The following MAPK9 variants were observed in gnomAD, a reference collection of about 807,000 sequenced individuals.
MAPK9 encodes mitogen-activated protein kinase 9.
MAPK9 carries 30 observed loss-of-function variants against 57.1 expected under a neutral mutation model. The ratio of observed to expected loss-of-function variants is 0.53; its 90% confidence interval spans 0.39 to 0.71. The LOEUF (loss-of-function observed/expected upper bound fraction) is 0.71, where lower values mean the gene tolerates loss of function less well. Among genes scored for constraint, MAPK9 ranks in the 30% least tolerant of loss-of-function variants. MAPK9 has a pLI of 0.00. For synonymous variants in MAPK9, 155 were observed against 177.0 expected (o/e 0.88, Z 0.99); for missense variants, 362 against 521.0 (o/e 0.69, Z 2.97).
chr5:180,277,415 C>A (rs1761922949), intron 2 of MAPK9, among the ~76,000 whole-genome samples: 1 of 152,228 alleles, frequency 6.6e-6, no homozygotes, highest in Admixed American at 6.5e-5. Flanking sequence ...CTTCGCTCTG[C>A]CATCACATCT....
chr5:180,285,657 T>G (rs1657779364), intron 1 of MAPK9, among the ~76,000 whole-genome samples: 1 of 152,172 alleles, frequency 6.6e-6, no homozygotes. Flanking sequence ...GCAAGATGGC[T>G]CACACTTGTA....
In MAPK9 at chr5:180,247,839, C is replaced by T. The variant is rs754232534; in HGVS notation, c.617-329G>A. The stretch of plus-strand genomic sequence containing the variant: ...CAGCCTCCATGGCCAAGTACCGGGT[C>T]CCCTGTGAAGGATACAGTCTCTTCC... On this transcript the variant is annotated intron_variant, in intron 6 of 11. Transcript: ENST00000452135. The surrounding 1 kb of genome is among the most constrained non-coding windows in gnomAD (Gnocchi z 4.5). The T allele has an allele frequency of 9.3e-6, 15 of 1,613,630 alleles. No homozygotes were observed. The highest frequency in any genetic ancestry group is 1.3e-5 in the African/African-American group (1 of 74,906).
At chr5:180,267,446 C>T (rs1021530075) in intron 3 of MAPK9, among the ~76,000 whole-genome samples, 23 of 151,356 alleles carry the variant, frequency 1.5e-4, no homozygotes, top group East Asian at 3.9e-4. Context: ...CCTGTAGTCC[C>T]GGCTACTCGG....
Position 180,247,470 on chromosome 5 carries a change from C to T in MAPK9, c.657G>A (p.Val219=). 6.2e-7 allele frequency: 1 copy of T among 1,614,192 alleles called. No individual in the cohort carries two copies. Among genetic ancestry groups the T allele is most frequent in the Non-Finnish European group, 8.5e-7 (1 of 1,180,032 alleles). ...WSVGCIMGEL[V]KGCVIFQGTD... is the part of the protein sequence containing the mutation. ...TGCCTTGGAATATCACACAACCTTT[C>T]ACCAGCTCTCCCATGATGCAACCCA... The change falls in exon 7 of 12, where the codon GTG becomes GTA. Residue 219 remains valine (V), a synonymous_variant. Transcript: ENST00000452135. This position sits in a 1 kb window ranked among gnomAD's most constrained non-coding sequence, Gnocchi z 4.5.
chr5:180,279,804 G>T (rs1294950960), intron 2 of MAPK9: 5 of 456,262 alleles, frequency 1.1e-5, no homozygotes, highest in African/African-American at 2.0e-5. Flanking sequence ...ACCTTGAGCT[G>T]GCCCGTGATG....
At chr5:180,273,158 T>C (rs1245141605) in intron 2 of MAPK9, among the ~76,000 whole-genome samples, 3 of 152,256 alleles carry the variant, frequency 2.0e-5, no homozygotes. Context: ...GCACTTTTCC[T>C]GTTTATAGGT....
In MAPK9 at chr5:180,261,970, C is replaced by A. The variant is rs539023334; in HGVS notation, c.312-148G>T. 3.9e-5 allele frequency: 22 copies of A among 559,504 alleles called. 1 individual carries two copies. In the South Asian group the frequency reaches 8.2e-4, roughly 21 times the overall value. 34.7% of individuals were successfully genotyped at this position (559,504 alleles called of 1,614,324 possible). A position where few individuals can be genotyped will look rare whatever the true frequency, so the allele number is the denominator to read the frequency against. ...ATAATGGAACTTTCTAAAAATTTTC[C>A]AAAGAATATATAAATAACAAACTTA... On this transcript the variant is annotated intron_variant, in intron 4 of 11. Transcript: ENST00000452135.
intron 5 of MAPK9, among the ~76,000 whole-genome samples, chr5:180,255,795 T>C (rs1759217927): frequency 6.6e-6 from 1 of 151,816 alleles, no homozygotes; most frequent in Non-Finnish European, 1.5e-5. Flanking sequence ...AAAGGATCAA[T>C]GAAGAAAGAG....
intron 2 of MAPK9, among the ~76,000 whole-genome samples, chr5:180,270,868 A>G (rs112421734): frequency 1.5e-5 from 2 of 137,580 alleles, no homozygotes; most frequent in South Asian, 4.4e-4. Context: ...CAAAAAAAAA[A>G]AAAAAGAAAA....
At chr5:180,270,858 C>CAAAAAAAAAAAAAAA (rs761904802) in intron 2 of MAPK9, among the ~76,000 whole-genome samples, 2 of 82,952 alleles carry the variant, frequency 2.4e-5, no homozygotes, top group Non-Finnish European at 2.4e-5. Flanking sequence ...CCCAGGGTCT[C>CAAAAAAAAAAAAAAA]AAAAAAAAAA....
chr5:180,284,395 G>A (rs1762566683), intron 1 of MAPK9, among the ~76,000 whole-genome samples: 1 of 152,164 alleles, frequency 6.6e-6, no homozygotes, highest in African/African-American at 2.4e-5. Flanking sequence ...AGCCTTTGTA[G>A]GGTCTGCCTC....
At position 180,282,087 on chromosome 5, in the gene MAPK9, G is replaced by A. The variant is rs192392710; in HGVS notation, c.-47-1479C>T. Among the ~76,000 whole-genome samples the A allele has an allele frequency of 1.4e-3, 211 of 152,324 alleles. 3 individuals are homozygous for A. The highest frequency in any genetic ancestry group is 2.6e-3 in the Non-Finnish European group (175 of 68,036). ...TCTAAGCTATAGGAGGTGCGAGGCAGGTCTGTCTTGCTCATGGCATCTCAT... is the reference window on the plus strand; with the variant it reads ...TCTAAGCTATAGGAGGTGCGAGGCAAGTCTGTCTTGCTCATGGCATCTCAT... On this transcript the variant is annotated intron_variant, in intron 1 of 11. Coordinates refer to ENST00000452135, the MANE Select transcript of MAPK9 (RefSeq NM_002752.5).
chr5:180,267,936 C>A (rs886821308), intron 3 of MAPK9, among the ~76,000 whole-genome samples: 3 of 152,128 alleles, frequency 2.0e-5, no homozygotes, highest in Non-Finnish European at 4.4e-5. Context: ...TATCTCAGCT[C>A]ACTGCAAGCT....
intron 1 of MAPK9, among the ~76,000 whole-genome samples, chr5:180,288,585 G>A (rs1012476843): frequency 2.0e-5 from 3 of 152,188 alleles, no homozygotes; most frequent in African/African-American, 7.2e-5. Flanking sequence ...ATGTTTTACA[G>A]ATGAGTGCAA....
intron 3 of MAPK9, among the ~76,000 whole-genome samples, chr5:180,268,060 A>G (rs1053282910): frequency 1.6e-4 from 24 of 151,954 alleles, no homozygotes; most frequent in Admixed American, 5.2e-4. Context: ...TCCTGACGTC[A>G]TGATCCACCC....
rs563889781 is a variant in MAPK9, at chr5:180,291,332, G to A, written c.-48+516C>T. On this transcript the variant is annotated intron_variant, in intron 1 of 11. Coordinates refer to ENST00000452135, the MANE Select transcript of MAPK9 (RefSeq NM_002752.5). ...GGGAGGCTGGGCGGGTGGGGAGGGG[G>A]TTCCTACACCACTCACACCAGCACG... 4.8e-3 allele frequency among the ~76,000 whole-genome samples: 733 copies of A among 151,772 alleles called. 3 individuals carry two copies. Among genetic ancestry groups the A allele is most frequent in the Middle Eastern group, 0.021 (6 of 292 alleles).
intron 1 of MAPK9, among the ~76,000 whole-genome samples, chr5:180,281,430 C>G (rs977669494): frequency 3.9e-5 from 6 of 152,242 alleles, no homozygotes; most frequent in African/African-American, 1.2e-4. Flanking sequence ...ATACAGAAAA[C>G]AAGCAAACAA....
chr5:180,270,366 A>G (rs532342993), intron 2 of MAPK9, among the ~76,000 whole-genome samples: 1 of 152,212 alleles, frequency 6.6e-6, no homozygotes, highest in Non-Finnish European at 1.5e-5. Flanking sequence ...TTTGGTTAAG[A>G]AGCTACCTTA....
rs142961264 is a variant in MAPK9, at chr5:180,250,051, G to A, written c.451-913C>T. Among the ~76,000 whole-genome samples the A allele has an allele frequency of 7.2e-5, 11 of 152,138 alleles. No individual in the cohort carries two copies. In the East Asian group the frequency reaches 1.2e-3, roughly 16 times the overall value. On this transcript the variant is annotated intron_variant, in intron 5 of 11. Coordinates refer to ENST00000452135, the MANE Select transcript of MAPK9 (RefSeq NM_002752.5). ...CTTCTCACCTTCGCCACAAAGACAC[G>A]CCAGCACTGGTGCTGCTGTCTCCAT... is the stretch of plus-strand genomic sequence containing the variant.
Sources: gnomAD v4.1 joint callset for allele counts (sites outside exome capture counted in the v4.1 genomes callset) on GRCh38, gnomAD v4.1.1 for gene constraint, Gnocchi (gnomAD v3.1) non-coding constraint, MANE v1.5 for transcripts, NCBI Gene and HGNC (gene_info 2026-07-23, HGNC 2026-07-21) for gene names.